The following C16orf74 variants were observed in gnomAD, a reference collection of about 807,000 sequenced individuals.
C16orf74 encodes the protein uncharacterized protein C16orf74.
Under a neutral mutation model 6.5 loss-of-function variants are expected in C16orf74, and 10 were observed. The ratio of observed to expected loss-of-function variants is 1.54; its 90% CI spans 0.95 to 2.61. The LOEUF is 2.61. Among genes scored for constraint, C16orf74 ranks in the 30% most tolerant of loss-of-function variants. C16orf74 has a pLI of 0.00. For missense variants in C16orf74, 141 were observed against 105.9 expected, an observed-to-expected ratio of 1.33 and a Z score of -1.45; for synonymous variants, 60 against 42.5, an observed-to-expected ratio of 1.41 and a Z score of -1.60.
intron 3 of C16orf74, among the ~76,000 whole-genome samples, chr16:85,708,457 T>C (rs1462644128): frequency 6.6e-6 from 1 of 152,164 alleles, no homozygotes; most frequent in Admixed American, 6.5e-5. Context: ...CCGCCCACAC[T>C]GGGCTCTCTG....
intron 2 of C16orf74, among the ~76,000 whole-genome samples, chr16:85,734,889 G>A (rs1023191162): frequency 1.6e-4 from 25 of 152,110 alleles, no homozygotes; most frequent in African/African-American, 5.6e-4. Flanking sequence ...TGGCTCCTTC[G>A]CAAAGGCCTC....
chr16:85,717,365 A>C (rs2152059137), intron 2 of C16orf74, among the ~76,000 whole-genome samples: 1 of 152,330 alleles, frequency 6.6e-6, no homozygotes, highest in Non-Finnish European at 1.5e-5. Context: ...GAGAAGTGCC[A>C]GGATTTTGAA....
chr16:85,750,205 C>G (rs2054421260), intron 1 of C16orf74, among the ~76,000 whole-genome samples: 1 of 152,210 alleles, frequency 6.6e-6, no homozygotes, highest in African/African-American at 2.4e-5. Context: ...TTCCTCCGGG[C>G]TCCAAAGCCT....
chr16:85,707,876 T>G lies in C16orf74; in HGVS notation c.*132A>C. 1.4e-6 allele frequency: 1 copy of G among 708,274 alleles called. No homozygotes were observed. 43.9% of individuals were successfully genotyped at this position (708,274 alleles called of 1,614,324 possible). A position where few individuals can be genotyped will look rare whatever the true frequency, so the allele number is the denominator to read the frequency against. ...CCTCGCTGGTCCTGCCACGTCTCTC[T>G]GAGCGGAGGCCCGGGTTCGCTCAGT... On this transcript the variant is annotated 3_prime_UTR_variant, in exon 4 of 4. Transcript: ENST00000284245.
intron 2 of C16orf74, among the ~76,000 whole-genome samples, chr16:85,731,025 A>C (rs2054182228): frequency 6.6e-6 from 1 of 152,242 alleles, no homozygotes; most frequent in Admixed American, 6.5e-5. Context: ...TATTCATGGG[A>C]CTGCTAGAAA....
At chr16:85,715,469 A>G (rs947798679) in intron 2 of C16orf74, among the ~76,000 whole-genome samples, 4 of 152,170 alleles carry the variant, frequency 2.6e-5, no homozygotes, top group Non-Finnish European at 1.5e-5. Context: ...CCCAGACTGG[A>G]ATCTGGCTGA....
chr16:85,716,017 AG>A (rs1325252146), intron 2 of C16orf74, among the ~76,000 whole-genome samples: 2 of 146,016 alleles, frequency 1.4e-5, no homozygotes, highest in Non-Finnish European at 2.9e-5. Flanking sequence ...TGATGATCGG[AG>A]GCCCCCGACA....
chr16:85,741,281 G>A (rs542677235), intron 1 of C16orf74, among the ~76,000 whole-genome samples: 5 of 152,316 alleles, frequency 3.3e-5, no homozygotes, highest in East Asian at 1.9e-4. Flanking sequence ...GTATTATGCC[G>A]TGCCAGGCAG....
At chr16:85,735,485 G>A (rs537522727) in intron 1 of C16orf74, among the ~76,000 whole-genome samples, 1 of 152,298 alleles carries the variant, frequency 6.6e-6, no homozygotes, top group South Asian at 2.1e-4. Flanking sequence ...CCAAGGCGGC[G>A]TCTGCAGCCC....
intron 2 of C16orf74, among the ~76,000 whole-genome samples, chr16:85,730,407 C>A (rs1034906183): frequency 6.6e-6 from 1 of 152,046 alleles, no homozygotes; most frequent in African/African-American, 2.4e-5. Context: ...AGGTGCCTCC[C>A]GGCTCAGAAA....
rs2053925998 is a variant in C16orf74, at chr16:85,707,696, T to A, written c.*312A>T. ...GCCCTGGGGGCTGGGAGGGTGTGTT[T>A]GTCCAGAAGAGAGCCTCTCCCTGGG... On this transcript the variant is annotated 3_prime_UTR_variant, in exon 4 of 4. Transcript: ENST00000284245. 2.6e-6 allele frequency: 1 copy of A among 380,276 alleles called. No individual in the cohort carries two copies. Among genetic ancestry groups the A allele is most frequent in the South Asian group, 4.4e-5 (1 of 22,930 alleles). The allele number at this position is 380,276 out of a possible 1,614,324, so 23.6% of individuals were successfully genotyped here. A position where few individuals can be genotyped will look rare whatever the true frequency, so the allele number is the denominator to read the frequency against.
At chr16:85,710,406 T>A (rs927613887) in intron 2 of C16orf74, 99 bp from the exon 3 acceptor site, 53 of 1,219,472 alleles carry the variant, frequency 4.3e-5, no homozygotes, top group Non-Finnish European at 5.8e-5. Flanking sequence ...CCCTTCACTA[T>A]CACCTGGGTC....
intron 2 of C16orf74, among the ~76,000 whole-genome samples, chr16:85,728,446 T>C (rs575556061): frequency 6.6e-5 from 10 of 152,292 alleles, no homozygotes; most frequent in Admixed American, 1.3e-4. Context: ...CCCAGGACAG[T>C]TGCTGGGACC....
intron 1 of C16orf74, among the ~76,000 whole-genome samples, chr16:85,742,131 G>C (rs927053983): frequency 2.6e-5 from 4 of 152,176 alleles, no homozygotes; most frequent in Non-Finnish European, 5.9e-5. Context: ...CTAGCACTGT[G>C]GGAGGCTGAG....
intron 2 of C16orf74, 125 bp downstream of exon 2, chr16:85,735,065 T>C: frequency 2.8e-6 from 2 of 716,256 alleles, no homozygotes; most frequent in Non-Finnish European, 4.5e-6. Flanking sequence ...TGTACAGGAC[T>C]GCTTTAAGGG....
chr16:85,736,057 C>A (rs1450538028), intron 1 of C16orf74, among the ~76,000 whole-genome samples: 1 of 152,128 alleles, frequency 6.6e-6, no homozygotes, highest in African/African-American at 2.4e-5. Context: ...GGCTGGGGCC[C>A]CACCCCACAG....
At chr16:85,729,168 G>A (rs1369836653) in intron 2 of C16orf74, among the ~76,000 whole-genome samples, 1 of 152,188 alleles carries the variant, frequency 6.6e-6, no homozygotes, top group Non-Finnish European at 1.5e-5. Flanking sequence ...CTCCTAACTG[G>A]CCATGTGGCC....
At chr16:85,734,294 T>G (rs1294015395) in intron 2 of C16orf74, among the ~76,000 whole-genome samples, 2 of 152,150 alleles carry the variant, frequency 1.3e-5, no homozygotes, top group Non-Finnish European at 2.9e-5. Context: ...ATGATCCCCA[T>G]TTTACTGATA....
chr16:85,726,633 G>A (rs545658159), intron 2 of C16orf74, among the ~76,000 whole-genome samples: 115 of 152,270 alleles, frequency 7.6e-4, no homozygotes, highest in African/African-American at 2.6e-3. Flanking sequence ...AGCGGGGACT[G>A]GATTCCACCA....
Sources: gnomAD v4.1 joint callset for allele counts (sites outside exome capture counted in the v4.1 genomes callset) on GRCh38, gnomAD v4.1.1 for gene constraint, MANE v1.5 for transcripts, NCBI Gene and HGNC (gene_info 2026-07-23, HGNC 2026-07-21) for gene names.